PELI2: variants seen among roughly 807,000 people sequenced by gnomAD.
PELI2 encodes the protein E3 ubiquitin-protein ligase pellino homolog 2.
Under a neutral mutation model 42.3 loss-of-function variants are expected in PELI2, and 23 were observed. The observed-to-expected ratio is 0.54, with a 90% CI of 0.39 to 0.77. PELI2 has a LOEUF of 0.77. Ranked by LOEUF, PELI2 falls within the 30% of genes least tolerant of loss-of-function variation. The probability of loss-of-function intolerance (pLI) is 0.00; values close to 1 mark genes in which losing one functional copy is unlikely to be tolerated. For synonymous variants in PELI2, 245 were observed against 212.2 expected (o/e 1.15, Z -1.34); for missense variants, 463 against 553.2 (o/e 0.84, Z 1.64).
chr14:56,258,990 A>G (rs1888620858), intron 2 of PELI2, among the ~76,000 whole-genome samples: 1 of 152,108 alleles, frequency 6.6e-6, no homozygotes. Context: ...ACAGAGAAAC[A>G]AAATTAAGAA....
At chr14:56,293,027 CG>C in intron 5 of PELI2, 3 of 160,258 alleles carry the variant, frequency 1.9e-5, no homozygotes, top group Non-Finnish European at 4.0e-5. Context: ...ATAACCATAG[CG>C]TAGCTATGGT....
At chr14:56,245,152 T>G (rs570305522) in intron 2 of PELI2, among the ~76,000 whole-genome samples, 1 of 152,348 alleles carries the variant, frequency 6.6e-6, no homozygotes, top group South Asian at 2.1e-4. Context: ...GCGAGGCGTT[T>G]AGTAAATTTT....
chr14:56,122,001 A>T (rs1323908236), intron 1 of PELI2, among the ~76,000 whole-genome samples: 1 of 152,254 alleles, frequency 6.6e-6, no homozygotes, highest in Non-Finnish European at 1.5e-5. Flanking sequence ...TAGGTTACCC[A>T]TGGGAGCATT....
chr14:56,275,040 C>T (rs926590641), intron 2 of PELI2, among the ~76,000 whole-genome samples: 1 of 150,560 alleles, frequency 6.6e-6, no homozygotes, highest in Non-Finnish European at 1.5e-5. Flanking sequence ...CTCTAAATCT[C>T]ATCTTGTATC....
At chr14:56,151,725 G>A (rs1325746646) in intron 1 of PELI2, among the ~76,000 whole-genome samples, 1 of 152,180 alleles carries the variant, frequency 6.6e-6, no homozygotes, top group African/African-American at 2.4e-5. Flanking sequence ...TATCAAGTAA[G>A]CATTTAGTAA....
intron 1 of PELI2, among the ~76,000 whole-genome samples, chr14:56,149,479 A>G (rs976732343): frequency 6.6e-6 from 1 of 152,236 alleles, no homozygotes; most frequent in Non-Finnish European, 1.5e-5. Flanking sequence ...CTCAAGGAGC[A>G]TGGGAGTCTA....
intron 1 of PELI2, among the ~76,000 whole-genome samples, chr14:56,158,080 T>A (rs1884629549): frequency 6.6e-6 from 1 of 152,178 alleles, no homozygotes; most frequent in African/African-American, 2.4e-5. Context: ...CAGGCTGGAG[T>A]GCAGTGGTGC....
At chr14:56,268,240 C>T (rs547438616) in intron 2 of PELI2, among the ~76,000 whole-genome samples, 1 of 152,306 alleles carries the variant, frequency 6.6e-6, no homozygotes, top group South Asian at 2.1e-4. Flanking sequence ...TAGTCATTCG[C>T]AGGATGCTTT....
At chr14:56,148,639 C>T (rs960060297) in intron 1 of PELI2, among the ~76,000 whole-genome samples, 1 of 152,214 alleles carries the variant, frequency 6.6e-6, no homozygotes, top group African/African-American at 2.4e-5. Context: ...CTGCCTGAAA[C>T]CTTCCCACAC....
rs1382550555 is a variant in PELI2 at position 56,118,438 on chromosome 14, G to C, written c.-223G>C. 3.3e-6 allele frequency: 1 copy of C among 299,816 alleles called. No individual in the cohort carries two copies. Among genetic ancestry groups the C allele is most frequent in the East Asian group, 5.5e-5 (1 of 18,188 alleles). 18.6% of individuals were successfully genotyped at this position (299,816 alleles called of 1,614,324 possible). A position where few individuals can be genotyped will look rare whatever the true frequency, so the allele number is the denominator to read the frequency against. On this transcript the variant is annotated 5_prime_UTR_variant, in exon 1 of 6. Coordinates refer to ENST00000267460, the MANE Select transcript of PELI2 (RefSeq NM_021255.3). ...CATTTGTTGCCGGCTCTGACTCGGG[G>C]CGGCCGCGGCGCGCGGAGCTCCGGG...
chr14:56,284,269 C>G (rs1889576144), intron 3 of PELI2, among the ~76,000 whole-genome samples: 1 of 152,100 alleles, frequency 6.6e-6, no homozygotes, highest in South Asian at 2.1e-4. Flanking sequence ...TCATTATTTT[C>G]TGGAGTAGGC....
At chr14:56,169,922 A>G (rs944350548) in intron 1 of PELI2, among the ~76,000 whole-genome samples, 4 of 152,338 alleles carry the variant, frequency 2.6e-5, no homozygotes, top group East Asian at 1.9e-4. Flanking sequence ...CATAAAACCA[A>G]TGTTAGGCGC....
Position 56,178,326 on chromosome 14 carries a change from TG to T in PELI2, c.78-8del, listed in dbSNP as rs772198644. The T allele has an allele frequency of 6.2e-7, 1 of 1,613,724 alleles. No individual in the cohort carries two copies. Among genetic ancestry groups the T allele is most frequent in the Middle Eastern group, 1.7e-4 (1 of 6,056 alleles). On this transcript the variant is annotated splice_region_variant and splice_polypyrimidine_tract_variant and intron_variant, in intron 1 of 5. Transcript: ENST00000267460. ...GCAGATAGATGAACTCTTTCCTCTC[TG>T]TTTCTAGGTACAATGGTGCTTTACC...
intron 2 of PELI2, among the ~76,000 whole-genome samples, chr14:56,194,772 G>GC (rs1424836288): frequency 1.3e-5 from 2 of 152,028 alleles, no homozygotes; most frequent in Non-Finnish European, 2.9e-5. Context: ...TTCACAGAAT[G>GC]CCCCCCGCCC....
chr14:56,288,776 T>A lies in PELI2; in HGVS notation c.507+142T>A. 1.6e-6 allele frequency: 1 copy of A among 617,714 alleles called. No homozygotes were observed. Among genetic ancestry groups the A allele is most frequent in the Non-Finnish European group, 2.9e-6 (1 of 348,374 alleles). 38.3% of individuals were successfully genotyped at this position (617,714 alleles called of 1,614,324 possible). A position where few individuals can be genotyped will look rare whatever the true frequency, so the allele number is the denominator to read the frequency against. ...GATTTTAGTTTTCAGGTGGCCAGTT[T>A]GAGAAACTTGTTATTAAAAATCTGA... On this transcript the variant is annotated intron_variant, in intron 4 of 5. Coordinates refer to ENST00000267460, the MANE Select transcript of PELI2 (RefSeq NM_021255.3). This position sits in a 1 kb window ranked among gnomAD's most constrained non-coding sequence, Gnocchi z 4.6.
chr14:56,294,260 A>T (rs930460722), intron 5 of PELI2, among the ~76,000 whole-genome samples: 1 of 152,202 alleles, frequency 6.6e-6, no homozygotes, highest in African/African-American at 2.4e-5. Context: ...GAGTTTGCCA[A>T]CCAGGGCTCA....
intron 2 of PELI2, among the ~76,000 whole-genome samples, chr14:56,184,507 G>A (rs1434593024): frequency 6.6e-6 from 1 of 151,996 alleles, no homozygotes; most frequent in African/African-American, 2.4e-5. Context: ...TTGATTCTGA[G>A]AACTTGGCTA....
chr14:56,256,325 A>G (rs10146587), intron 2 of PELI2, among the ~76,000 whole-genome samples: 19 of 152,100 alleles, frequency 1.2e-4, no homozygotes, highest in African/African-American at 4.6e-4. Flanking sequence ...AGTCCCAGCT[A>G]CTCTGGAGGC....
chr14:56,290,195 A>C (rs1889781247), intron 4 of PELI2, 73 bp from the exon 5 acceptor site: 2 of 1,249,392 alleles, frequency 1.6e-6, no homozygotes, highest in Non-Finnish European at 2.2e-6. Context: ...CAATGTATTA[A>C]AGAAATTCCA....
Sources: allele counts gnomAD v4.1 joint callset (sites outside exome capture counted in the v4.1 genomes callset), GRCh38; gene constraint gnomAD v4.1.1; non-coding constraint Gnocchi (gnomAD v3.1); transcripts MANE v1.5; gene names NCBI Gene and HGNC (gene_info 2026-07-23, HGNC 2026-07-21).